L3MBTL4: variants seen among roughly 807,000 people sequenced by gnomAD.
L3MBTL4 encodes lethal(3)malignant brain tumor-like protein 4.
L3MBTL4 carries 70 observed loss-of-function variants against 84.5 expected under a neutral mutation model. That is an observed-to-expected ratio of 0.83 (90% confidence interval 0.68 to 1.01). The LOEUF (loss-of-function observed/expected upper bound fraction) is 1.01. Ranked by LOEUF, L3MBTL4 falls within the 50% of genes least tolerant of loss-of-function variation. The pLI is 0.00. For synonymous variants in L3MBTL4, 274 were observed against 259.8 expected, an observed-to-expected ratio of 1.05 and a Z score of -0.52; for missense variants, 715 against 754.8, an observed-to-expected ratio of 0.95 and a Z score of 0.62.
Position 5,956,246 on chromosome 18 carries a change from C to T in L3MBTL4, c.1819G>A (p.Ala607Thr), listed in dbSNP as rs1442762350. The T allele has an allele frequency of 1.9e-6, 3 of 1,613,802 alleles. No homozygotes were observed. Among genetic ancestry groups the T allele is most frequent in the Admixed American group, 1.7e-5 (1 of 59,992 alleles). ...CATCCCCTGACTTCTTGGCCTGAGG[C>T]AATATCTTCTTCAGGGAGTTCCTGG... Reference protein sequence around the residue: ...HSQELPEEDIASGQEVRG With the variant: ...HSQELPEEDITSGQEVRG Residue 607 changes from alanine to threonine, a missense_variant, in exon 19 of 19, where the codon GCC (alanine) becomes ACC (threonine). Physicochemically the swap from Ala to Thr is moderately conservative, Grantham distance 58. Coordinates refer to ENST00000317931, the MANE Select transcript of L3MBTL4 (RefSeq NM_001330559.2).
chr18:6,145,095 T>C (rs1414659576), intron 13 of L3MBTL4, among the ~76,000 whole-genome samples: 1 of 152,184 alleles, frequency 6.6e-6, no homozygotes, highest in African/African-American at 2.4e-5. Flanking sequence ...CAAGCAATTG[T>C]CCTTAAAAGA....
rs1054189699 is a variant in L3MBTL4 at position 6,239,880 on chromosome 18, A to G, written c.553-8T>C. ...TTTAGACATTGGCCCATTCTAACGC[A>G]GCACCAGCAGGGGAAGAAGCACAAA... is the stretch of plus-strand genomic sequence containing the variant. On this transcript the variant is annotated splice_polypyrimidine_tract_variant and splice_region_variant and intron_variant, in intron 8 of 18. Transcript: ENST00000317931. The G allele has an allele frequency of 5.0e-6, 8 of 1,613,908 alleles. No homozygotes were observed. Among genetic ancestry groups the G allele is most frequent in the Non-Finnish European group, 6.8e-6 (8 of 1,179,960 alleles).
At chr18:6,364,433 G>A (rs2053844334) in intron 1 of L3MBTL4, among the ~76,000 whole-genome samples, 2 of 151,844 alleles carry the variant, frequency 1.3e-5, no homozygotes, top group South Asian at 4.2e-4. Context: ...AAATATAACA[G>A]GATCCTGAGA....
At chr18:6,047,479 A>T (rs2056673179) in intron 16 of L3MBTL4, among the ~76,000 whole-genome samples, 1 of 152,180 alleles carries the variant, frequency 6.6e-6, no homozygotes, top group Admixed American at 6.6e-5. Context: ...TATACCTGAT[A>T]AATATAGACA....
intron 12 of L3MBTL4, among the ~76,000 whole-genome samples, chr18:6,192,131 C>A (rs556187834): frequency 6.6e-6 from 1 of 152,066 alleles, no homozygotes; most frequent in South Asian, 2.1e-4. Context: ...GAAGAGAATG[C>A]GGTGCCCTGG....
intron 1 of L3MBTL4, among the ~76,000 whole-genome samples, chr18:6,339,550 C>A (rs961213466): frequency 2.8e-4 from 43 of 150,912 alleles, no homozygotes; most frequent in African/African-American, 1.0e-3. Context: ...AGAAAAGGAA[C>A]AGAAAATCAA....
intron 1 of L3MBTL4, among the ~76,000 whole-genome samples, chr18:6,323,466 T>C (rs1017668195): frequency 6.6e-6 from 1 of 152,218 alleles, no homozygotes; most frequent in African/African-American, 2.4e-5. Flanking sequence ...TGAGGAGATC[T>C]CAGATGGAAA....
At chr18:6,342,570 T>C (rs1455394670) in intron 1 of L3MBTL4, among the ~76,000 whole-genome samples, 1 of 152,090 alleles carries the variant, frequency 6.6e-6, no homozygotes, top group Admixed American at 6.5e-5. Flanking sequence ...AGAAAGCCGA[T>C]GTGTTAGGTA....
intron 16 of L3MBTL4, among the ~76,000 whole-genome samples, chr18:6,026,910 CATGTT>C (rs1422069311): frequency 6.6e-6 from 1 of 151,948 alleles, no homozygotes; most frequent in East Asian, 1.9e-4. Flanking sequence ...TAATTTTCCT[CATGTT>C]ATGTTAAATT....
chr18:5,971,613 T>C lies in L3MBTL4; in HGVS notation c.1445-2051A>G, dbSNP rs778734741. Among the ~76,000 whole-genome samples, 7 of 152,306 alleles carry C rather than the reference T, an allele frequency of 4.6e-5. No individual in the cohort carries two copies. The South Asian group carries it at 1.2e-3, about 27-fold the overall frequency. On this transcript the variant is annotated intron_variant, in intron 16 of 18. Transcript: ENST00000317931. ...TGTGATTCCCAAATGAAAGCTGAAG[T>C]CATTAAAAATGTAAAAGAAAAAAAG...
Position 6,249,564 on chromosome 18 carries a change from G to A in L3MBTL4, c.220-4976C>T, listed in dbSNP as rs1252585842. ...AAACAGACTCAGCATTTCTTGGAGG[G>A]TTTCAAAATAAAAAATAAAACGTTC... On this transcript the variant is annotated intron_variant, in intron 5 of 18. Transcript: ENST00000317931. Among the ~76,000 whole-genome samples the A allele has an allele frequency of 2.0e-5, 3 of 152,054 alleles. No homozygotes were observed. The East Asian group carries it at 5.8e-4, about 29-fold the overall frequency.
chr18:6,003,545 A>T (rs1240699787), intron 16 of L3MBTL4, among the ~76,000 whole-genome samples: 2 of 152,034 alleles, frequency 1.3e-5, no homozygotes, highest in Non-Finnish European at 1.5e-5. Context: ...TGACACAATA[A>T]ACCAATGAGA....
At chr18:6,236,868 T>C (rs892620842) in intron 10 of L3MBTL4, among the ~76,000 whole-genome samples, 5 of 152,222 alleles carry the variant, frequency 3.3e-5, no homozygotes, top group Non-Finnish European at 7.3e-5. Flanking sequence ...CCTAATATTT[T>C]TCTATATTTA....
intron 12 of L3MBTL4, among the ~76,000 whole-genome samples, chr18:6,181,268 T>C (rs1006718570): frequency 6.6e-6 from 1 of 152,122 alleles, no homozygotes; most frequent in Non-Finnish European, 1.5e-5. Context: ...GGGTTTGGTA[T>C]GCAGATTATT....
intron 10 of L3MBTL4, among the ~76,000 whole-genome samples, chr18:6,228,722 G>A (rs1007132224): frequency 6.6e-6 from 1 of 152,078 alleles, no homozygotes; most frequent in Non-Finnish European, 1.5e-5. Context: ...TTCTCCTGCC[G>A]CAGGAGAGCC....
intron 4 of L3MBTL4, among the ~76,000 whole-genome samples, chr18:6,295,071 A>C (rs2050031295): frequency 6.6e-6 from 1 of 152,078 alleles, no homozygotes; most frequent in African/African-American, 2.4e-5. Context: ...CAAGAGTTTG[A>C]GACCAGGCTG....
chr18:6,114,590 A>G (rs563853783), intron 14 of L3MBTL4, among the ~76,000 whole-genome samples: 9 of 152,342 alleles, frequency 5.9e-5, no homozygotes, highest in African/African-American at 1.9e-4. Context: ...ATGTTTCCAG[A>G]ATAAATAATC....
At chr18:6,037,192 A>T (rs2056183366) in intron 16 of L3MBTL4, among the ~76,000 whole-genome samples, 1 of 152,208 alleles carries the variant, frequency 6.6e-6, no homozygotes, top group Non-Finnish European at 1.5e-5. Flanking sequence ...TCCCACGAGC[A>T]GTGTGTAAGC....
In L3MBTL4 at chr18:5,980,892, C is replaced by T. The variant is rs534910216; in HGVS notation, c.1445-11330G>A. 2.9e-3 allele frequency among the ~76,000 whole-genome samples: 444 copies of T among 152,316 alleles called. 3 individuals are homozygous for T. Among genetic ancestry groups the T allele is most frequent in the Non-Finnish European group, 4.4e-3 (302 of 68,032 alleles). On this transcript the variant is annotated intron_variant, in intron 16 of 18. Transcript: ENST00000317931. ...ACACAGGATGAGTTGCTCCTCAAGC[C>T]GCCCTTGCCTGGGCTGATTTGTGTT...
Sources: allele counts gnomAD v4.1 joint callset (sites outside exome capture counted in the v4.1 genomes callset), GRCh38; gene constraint gnomAD v4.1.1; transcripts MANE v1.5; gene names NCBI Gene and HGNC (gene_info 2026-07-23, HGNC 2026-07-21).